The following CDH13 variants were observed in gnomAD, a reference collection of about 807,000 sequenced individuals.
CDH13 encodes the protein cadherin 13, also known as cadherin-13.
A neutral mutation model predicts 63.8 loss-of-function variants in CDH13; 24 were observed. The ratio of observed to expected loss-of-function variants is 0.38; its 90% CI spans 0.27 to 0.53. The LOEUF (loss-of-function observed/expected upper bound fraction) is 0.53, where lower values mean the gene tolerates loss of function less well. Ranked by LOEUF, CDH13 falls within the 20% of genes least tolerant of loss-of-function variation. The probability of loss-of-function intolerance (pLI) is 0.85; values close to 1 mark genes in which losing one functional copy is unlikely to be tolerated. For missense variants in CDH13, 1,049 were observed against 903.1 expected (o/e 1.16, Z -2.07); for synonymous variants, 503 against 355.3 (o/e 1.42, Z -4.67).
intron 1 of CDH13, among the ~76,000 whole-genome samples, chr16:82,665,223 G>T (rs1228958327): frequency 1.3e-5 from 2 of 152,088 alleles, no homozygotes; most frequent in African/African-American, 2.4e-5. Context: ...TGTCAAAATG[G>T]CCCCAAGTGG....
At chr16:83,445,005 C>A (rs2072631130) in intron 6 of CDH13, among the ~76,000 whole-genome samples, 1 of 152,058 alleles carries the variant, frequency 6.6e-6, no homozygotes, top group South Asian at 2.1e-4. Context: ...AACCACAGGG[C>A]TGGGATTTTT....
At chr16:83,603,601 C>T (rs1908055381) in intron 8 of CDH13, among the ~76,000 whole-genome samples, 1 of 152,106 alleles carries the variant, frequency 6.6e-6, no homozygotes, top group African/African-American at 2.4e-5. Flanking sequence ...TGCTTCCAAC[C>T]TCCAGGGTGT....
chr16:82,825,481 A>G (rs752670308), intron 1 of CDH13: 2 of 151,980 alleles, frequency 1.3e-5, no homozygotes, highest in Non-Finnish European at 2.9e-5. Context: ...AAGTGTTTTT[A>G]TCTAGTGAGA....
intron 6 of CDH13, among the ~76,000 whole-genome samples, chr16:83,409,696 C>T (rs2092099127): frequency 6.6e-6 from 1 of 152,238 alleles, no homozygotes; most frequent in South Asian, 2.1e-4. Context: ...ATGAAACTTC[C>T]TCCTTGATTA....
chr16:83,776,021 G>A (rs1461277239), intron 11 of CDH13, among the ~76,000 whole-genome samples: 1 of 152,046 alleles, frequency 6.6e-6, no homozygotes, highest in Non-Finnish European at 1.5e-5. Context: ...TCTATCCCGT[G>A]CATAGAAACT....
At chr16:83,023,679 C>G (rs1450137807) in intron 2 of CDH13, among the ~76,000 whole-genome samples, 3 of 152,178 alleles carry the variant, frequency 2.0e-5, no homozygotes, top group Non-Finnish European at 4.4e-5. Flanking sequence ...GAACTCTGTG[C>G]TCAATTCACA....
chr16:82,710,523 ACT>A (rs1250832433), intron 1 of CDH13, among the ~76,000 whole-genome samples: 9 of 90,570 alleles, frequency 9.9e-5, no homozygotes, highest in African/African-American at 3.3e-4. Flanking sequence ...ACAGAGTGAG[ACT>A]CTGTCTCAAA....
intron 4 of CDH13, among the ~76,000 whole-genome samples, chr16:83,137,741 C>T (rs532732331): frequency 2.0e-5 from 3 of 152,268 alleles, no homozygotes; most frequent in Non-Finnish European, 2.9e-5. Context: ...GGGCCCAGGG[C>T]GCAGTGGGGA....
chr16:83,016,026 G>A lies in CDH13; in HGVS notation c.158-15984G>A, dbSNP rs547310489. Among the ~76,000 whole-genome samples the A allele has an allele frequency of 2.0e-5, 3 of 152,096 alleles. No individual in the cohort carries two copies. In the East Asian group the frequency reaches 5.9e-4, roughly 30 times the overall value. On this transcript the variant is annotated intron_variant, in intron 2 of 13. Transcript: ENST00000567109. Reference sequence around the variant, plus strand: ...ATTGTTGTCGAGTGGAGAAATCACAGAAAAATGAGATACCTTTAACAAGTG... The same window carrying A: ...ATTGTTGTCGAGTGGAGAAATCACAAAAAAATGAGATACCTTTAACAAGTG...
chr16:82,975,568 T>C (rs1424166541), intron 2 of CDH13, among the ~76,000 whole-genome samples: 1 of 152,242 alleles, frequency 6.6e-6, no homozygotes, highest in Non-Finnish European at 1.5e-5. Flanking sequence ...CAGTGAATGG[T>C]ATAGAGTTGG....
intron 1 of CDH13, among the ~76,000 whole-genome samples, chr16:82,779,289 GGCAGTCCA>G (rs2035640646): frequency 6.6e-6 from 1 of 152,112 alleles, no homozygotes; most frequent in African/African-American, 2.4e-5. Flanking sequence ...ACAGATAGTA[GGCAGTCCA>G]GCTTCAGAAT....
chr16:82,981,260 G>A (rs920638635), intron 2 of CDH13, among the ~76,000 whole-genome samples: 1 of 152,192 alleles, frequency 6.6e-6, no homozygotes, highest in South Asian at 2.1e-4. Context: ...TGTGAATAAA[G>A]TTTGTGTCCT....
intron 1 of CDH13, among the ~76,000 whole-genome samples, chr16:82,830,767 A>G (rs1174935295): frequency 2.0e-5 from 3 of 152,222 alleles, no homozygotes; most frequent in Non-Finnish European, 4.4e-5. Flanking sequence ...AAAGAAGGCC[A>G]GTAAAAATAG....
intron 6 of CDH13, among the ~76,000 whole-genome samples, chr16:83,380,151 G>T (rs1341529793): frequency 1.3e-5 from 2 of 152,028 alleles, no homozygotes; most frequent in African/African-American, 4.8e-5. Flanking sequence ...TGGTAAAAAG[G>T]TTGAAAGTCA....
intron 1 of CDH13, among the ~76,000 whole-genome samples, chr16:82,675,562 C>T (rs79404491): frequency 2.6e-5 from 4 of 152,176 alleles, no homozygotes; most frequent in Admixed American, 2.6e-4. Context: ...TCACGTTTGC[C>T]TCATTACAAT....
At chr16:82,912,009 C>A (rs561847903) in intron 2 of CDH13, among the ~76,000 whole-genome samples, 36 of 152,142 alleles carry the variant, frequency 2.4e-4, no homozygotes, top group African/African-American at 8.7e-4. Flanking sequence ...CTAACCAGCT[C>A]TTCCGTGTGC....
chr16:83,054,187 C>T (rs1362781744), intron 3 of CDH13, among the ~76,000 whole-genome samples: 2 of 152,156 alleles, frequency 1.3e-5, no homozygotes, highest in African/African-American at 2.4e-5. Flanking sequence ...ATGCCAGAAT[C>T]AACTAACAAT....
chr16:83,400,872 C>T (rs1284982062), intron 6 of CDH13, among the ~76,000 whole-genome samples: 1 of 152,112 alleles, frequency 6.6e-6, no homozygotes, highest in Non-Finnish European at 1.5e-5. Context: ...GTCCTGTAAG[C>T]CAGTCTGTTA....
At chr16:82,761,537 G>T (rs142934323) in intron 1 of CDH13, among the ~76,000 whole-genome samples, 1 of 152,204 alleles carries the variant, frequency 6.6e-6, no homozygotes. Context: ...TTTGGGATCA[G>T]TTGGTTTCAT....
Sources: allele counts gnomAD v4.1 joint callset (sites outside exome capture counted in the v4.1 genomes callset), GRCh38; gene constraint gnomAD v4.1.1; transcripts MANE v1.5; gene names NCBI Gene and HGNC (gene_info 2026-07-23, HGNC 2026-07-21).